Variants in TSC22D1 observed in about 807,000 individuals in gnomAD.
TSC22D1 encodes TSC22 domain family member 1.
TSC22D1 carries 9 observed loss-of-function variants against 74.2 expected under a neutral mutation model. The ratio of observed to expected loss-of-function variants is 0.12; its 90% CI spans 0.07 to 0.21. TSC22D1 has a LOEUF of 0.21. Among genes scored for constraint, TSC22D1 ranks in the 10% least tolerant of loss-of-function variants. TSC22D1 has a pLI of 1.00. For synonymous variants in TSC22D1, 586 were observed against 492.5 expected, an observed-to-expected ratio of 1.19 and a Z score of -2.51; for missense variants, 1,427 against 1,304.7, an observed-to-expected ratio of 1.09 and a Z score of -1.44.
At chr13:44,443,208 T>C (rs2325130) in intron 1 of TSC22D1, among the ~76,000 whole-genome samples, 146,995 of 151,932 alleles carry the variant, frequency 0.97, 71,211 homozygotes, top group Non-Finnish European at 1. Flanking sequence ...TAGAAGCAGC[T>C]GGAAAAAATT....
chr13:44,518,818 G>T (rs1880172730), intron 1 of TSC22D1, among the ~76,000 whole-genome samples: 2 of 152,180 alleles, frequency 1.3e-5, no homozygotes, highest in Admixed American at 6.5e-5. Context: ...TCAAGTTGAG[G>T]TTTTTAAAAT....
intron 1 of TSC22D1, among the ~76,000 whole-genome samples, chr13:44,547,923 G>A (rs1374331849): frequency 1.3e-5 from 2 of 152,094 alleles, no homozygotes; most frequent in Non-Finnish European, 2.9e-5. Flanking sequence ...CCAAGTAGCT[G>A]GAACTACAGG....
chr13:44,444,299 A>G (rs973042913), intron 1 of TSC22D1, among the ~76,000 whole-genome samples: 2 of 143,214 alleles, frequency 1.4e-5, no homozygotes, highest in Admixed American at 7.0e-5. Context: ...AAAAAAAAAA[A>G]AAAAAAAAAG....
intron 1 of TSC22D1, among the ~76,000 whole-genome samples, chr13:44,534,002 T>C (rs1056963407): frequency 6.6e-6 from 1 of 151,906 alleles, no homozygotes; most frequent in African/African-American, 2.4e-5. Context: ...AATCTCAACA[T>C]TTTAGGAGAC....
At chr13:44,451,056 T>A (rs1464766827) in intron 1 of TSC22D1, among the ~76,000 whole-genome samples, 1 of 151,884 alleles carries the variant, frequency 6.6e-6, no homozygotes, top group African/African-American at 2.4e-5. Flanking sequence ...ACAGAGAAAG[T>A]GATTTAACTG....
chr13:44,539,722 C>T (rs2138091645), intron 1 of TSC22D1: 1 of 1,224,956 alleles, frequency 8.2e-7, no homozygotes, highest in Non-Finnish European at 1.0e-6. Flanking sequence ...TGGAAGGACA[C>T]TCCAATCTAT....
At chr13:44,508,680 C>T (rs1471758177) in intron 1 of TSC22D1, among the ~76,000 whole-genome samples, 1 of 152,076 alleles carries the variant, frequency 6.6e-6, no homozygotes, top group Non-Finnish European at 1.5e-5. Flanking sequence ...ATAATAGGAA[C>T]CTAACTCTTA....
intron 1 of TSC22D1, among the ~76,000 whole-genome samples, chr13:44,529,744 G>A (rs560733127): frequency 6.6e-6 from 1 of 152,008 alleles, no homozygotes; most frequent in Non-Finnish European, 1.5e-5. Context: ...AAGAATATAA[G>A]GTTAGTACAC....
chr13:44,498,325 C>T (rs549082149), intron 1 of TSC22D1, among the ~76,000 whole-genome samples: 1 of 121,388 alleles, frequency 8.2e-6, no homozygotes, highest in Non-Finnish European at 1.8e-5. Flanking sequence ...CAAACAAAAC[C>T]AAAAACAAAA....
At chr13:44,530,529 C>T (rs9316088) in intron 1 of TSC22D1, among the ~76,000 whole-genome samples, 24,913 of 151,760 alleles carry the variant, frequency 0.16, 2,545 homozygotes, top group African/African-American at 0.29. Context: ...CCAGTAAAGG[C>T]AGACTTTATT....
rs71070905 is a variant in TSC22D1 at position 44,444,278 on chromosome 13, C to CAAAAAA, written c.2913-8189_2913-8184dup. Among the ~76,000 whole-genome samples, 36 of 17,590 alleles carry CAAAAAA rather than the reference C, an allele frequency of 2.0e-3. 1 individual carries two copies. Among genetic ancestry groups the CAAAAAA allele is most frequent in the African/African-American group, 3.3e-3 (14 of 4,212 alleles). 11.5% of individuals were successfully genotyped at this position (17,590 alleles called of 152,430 possible). On this transcript the variant is annotated intron_variant, in intron 1 of 2. Coordinates refer to ENST00000458659, the MANE Select transcript of TSC22D1 (RefSeq NM_183422.4). ...TGGGGAACAGAGCAAGACTCTGTCT[C>CAAAAAA]AAAAAAAAAAAAAAAAAAAAAAAAA...
At chr13:44,539,213 C>A (rs545297383) in intron 1 of TSC22D1, 44 of 985,182 alleles carry the variant, frequency 4.5e-5, no homozygotes, top group Admixed American at 6.2e-5. Context: ...TTCATTCATA[C>A]TTATGTTTTA....
chr13:44,556,235 A>C (rs920570810), intron 1 of TSC22D1, among the ~76,000 whole-genome samples: 6 of 151,778 alleles, frequency 4.0e-5, no homozygotes, highest in African/African-American at 7.3e-5. Flanking sequence ...AAAAAAAAAA[A>C]ACAAACCACC....
chr13:44,438,303 G>A (rs1455645321), intron 1 of TSC22D1, among the ~76,000 whole-genome samples: 1 of 152,174 alleles, frequency 6.6e-6, no homozygotes, highest in Non-Finnish European at 1.5e-5. Flanking sequence ...ACATATATAT[G>A]TAATACACGC....
At chr13:44,517,989 T>C (rs1426379417) in intron 1 of TSC22D1, among the ~76,000 whole-genome samples, 1 of 146,412 alleles carries the variant, frequency 6.8e-6, no homozygotes, top group African/African-American at 2.5e-5. Flanking sequence ...CCAGAGTAGC[T>C]GGGGCTATAG....
chr13:44,483,542 A>T (rs964250526), intron 1 of TSC22D1, among the ~76,000 whole-genome samples: 2 of 152,090 alleles, frequency 1.3e-5, no homozygotes, highest in Non-Finnish European at 2.9e-5. Flanking sequence ...GCGTGGTAGC[A>T]GGCGCCTGTA....
intron 1 of TSC22D1, among the ~76,000 whole-genome samples, chr13:44,459,754 C>T (rs187382593): frequency 2.2e-3 from 339 of 152,346 alleles, no homozygotes; most frequent in Non-Finnish European, 4.1e-3. Flanking sequence ...GTGGAAGCCA[C>T]TTACAGTATG....
rs1326838392 is a variant in TSC22D1 at position 44,574,275 on chromosome 13, C to G, written c.1800G>C (p.Leu600Phe). 1.9e-6 allele frequency: 3 copies of G among 1,614,192 alleles called. No homozygotes were observed. The highest frequency in any genetic ancestry group is 1.7e-5 in the Admixed American group (1 of 60,024). Reference sequence around the variant, plus strand: ...GAGAATATGGTAGCTGGGGTTGAGCCAAACTGGAAATGGAAGGCTGCTGAC... The same window carrying G: ...GAGAATATGGTAGCTGGGGTTGAGCGAAACTGGAAATGGAAGGCTGCTGAC... The part of the protein sequence containing the change: ...ALGQQPSISS[L>F]AQPQLPYSQA... Residue 600 changes from leucine (L) to phenylalanine (F), a missense_variant, in exon 1 of 3, where the codon TTG (leucine) becomes TTC (phenylalanine). Physicochemically the swap from Leu to Phe is conservative, Grantham distance 22. Coordinates refer to ENST00000458659, the MANE Select transcript of TSC22D1 (RefSeq NM_183422.4).
chr13:44,574,597 G>A lies in TSC22D1; in HGVS notation c.1478C>T (p.Thr493Ile). The A allele has an allele frequency of 6.2e-7, 1 of 1,614,078 alleles. No individual in the cohort carries two copies. The change falls in exon 1 of 3, where the codon ACT becomes ATT. Residue 493 changes from threonine (T) to isoleucine (I), a missense_variant. By Grantham distance (89) the Thr-to-Ile change is moderately conservative. This residue lies in a region of TSC22D1 where 1,343 missense variants were observed against 1,191.5 expected (regional missense o/e 1.13). Transcript: ENST00000458659. Reference sequence around the variant, plus strand: ...CTGCTGCTGCTGCTGCACCACCACAGTAGGGGCTCCCATCTCTCCACTTCC... The same window carrying A: ...CTGCTGCTGCTGCTGCACCACCACAATAGGGGCTCCCATCTCTCCACTTCC... ...SVGSGEMGAPTVVVQQQQQQQ... is the reference protein window; with the variant it reads ...SVGSGEMGAPIVVVQQQQQQQ...
Sources: gnomAD v4.1 joint callset for allele counts (sites outside exome capture counted in the v4.1 genomes callset) on GRCh38, gnomAD v4.1.1 for gene constraint, gnomAD v4.1.1 regional missense constraint, MANE v1.5 for transcripts, NCBI Gene and HGNC (gene_info 2026-07-23, HGNC 2026-07-21) for gene names.